The following ASPH variants were observed in gnomAD, a reference collection of about 807,000 sequenced individuals.
The protein encoded by ASPH is aspartate beta-hydroxylase.
Under a neutral mutation model 118.4 loss-of-function variants are expected in ASPH, and 100 were observed. The ratio of observed to expected loss-of-function variants is 0.84; its 90% CI spans 0.72 to 1.00. ASPH has a LOEUF of 1.00. Among genes scored for constraint, ASPH ranks in the 50% least tolerant of loss-of-function variants. The pLI, the probability that ASPH is intolerant of heterozygous loss-of-function variation, is 0.00. For synonymous variants in ASPH, 315 were observed against 325.6 expected, an observed-to-expected ratio of 0.97 and a Z score of 0.35; for missense variants, 920 against 919.5, an observed-to-expected ratio of 1.00 and a Z score of -0.01.
chr8:61,660,260 T>A (rs1007761911), intron 3 of ASPH: 4 of 152,016 alleles, frequency 2.6e-5, no homozygotes, highest in Non-Finnish European at 5.9e-5. Flanking sequence ...TTTTGGCCCA[T>A]CCCATTCACC....
intron 1 of ASPH, among the ~76,000 whole-genome samples, chr8:61,685,075 G>A (rs1425019433): frequency 2.6e-5 from 4 of 152,126 alleles, no homozygotes; most frequent in Non-Finnish European, 5.9e-5. Context: ...TTGTGTGGCA[G>A]GTAGAGTCGC....
chr8:61,539,699 G>GGGGGGGGTGTGTGTGTGTGTGTGTGTGT (rs1554618405), intron 21 of ASPH, among the ~76,000 whole-genome samples: 1 of 124,214 alleles, frequency 8.1e-6, no homozygotes, highest in Non-Finnish European at 1.7e-5. Flanking sequence ...ACACTTCTGG[G>GGGGGGGGTGTGTGTGTGTGTGTGTGTGT]GTGTGTGTGT....
intron 13 of ASPH, chr8:61,624,251 G>A (rs1851947791): frequency 1.0e-6 from 1 of 985,236 alleles, no homozygotes; most frequent in Admixed American, 6.2e-5. Flanking sequence ...AGGTGGAGCA[G>A]GCTGTCCAGG....
intron 3 of ASPH, chr8:61,658,535 T>C (rs142952662): frequency 1.0e-3 from 154 of 152,322 alleles, no homozygotes; most frequent in African/African-American, 3.3e-3. Flanking sequence ...ATTTGAATTC[T>C]ATCTCAGTGT....
At chr8:61,551,258 A>C (rs1017975828) in intron 20 of ASPH, among the ~76,000 whole-genome samples, 2 of 152,200 alleles carry the variant, frequency 1.3e-5, no homozygotes, top group Non-Finnish European at 2.9e-5. Context: ...TTTTCTTGTC[A>C]GTCTCTGCAG....
At chr8:61,675,113 T>C (rs773153240) in intron 3 of ASPH, 6 of 207,080 alleles carry the variant, frequency 2.9e-5, no homozygotes, top group Non-Finnish European at 5.1e-5. Flanking sequence ...CAAATATGTT[T>C]TTAAGGCTTT....
In ASPH at chr8:61,527,262, CA is replaced by C. The variant is rs200232795; in HGVS notation, c.1765-1151del. Among the ~76,000 whole-genome samples the C allele has an allele frequency of 5.9e-3, 894 of 152,230 alleles. 15 individuals carry two copies. Among genetic ancestry groups the C allele is most frequent in the African/African-American group, 0.02 (841 of 41,514 alleles). ...ATGGTTCTCTATCATTTGAATTGGTCAAGCAAAATGATCAATTATTGGTTAG... is the reference window on the plus strand; with the variant it reads ...ATGGTTCTCTATCATTTGAATTGGTCAGCAAAATGATCAATTATTGGTTAG... On this transcript the variant is annotated intron_variant, in intron 21 of 24. Coordinates refer to ENST00000379454, the MANE Select transcript of ASPH (RefSeq NM_004318.4).
chr8:61,673,912 A>G (rs7835930), intron 3 of ASPH, among the ~76,000 whole-genome samples: 22,060 of 152,188 alleles, frequency 0.14, 1,627 homozygotes, highest in African/African-American at 0.19. Context: ...CCTTCATCAG[A>G]GGCTTTCAGA....
At chr8:61,623,189 CCT>C (rs1348812452) in intron 13 of ASPH, among the ~76,000 whole-genome samples, 1 of 152,196 alleles carries the variant, frequency 6.6e-6, no homozygotes. Flanking sequence ...CATGAGGGTT[CCT>C]CTTTCTCCAC....
At chr8:61,631,174 A>G (rs916122455) in intron 13 of ASPH, among the ~76,000 whole-genome samples, 17 of 152,326 alleles carry the variant, frequency 1.1e-4, no homozygotes, top group Admixed American at 2.6e-4. Flanking sequence ...TACAAATTTA[A>G]AAAAATTACA....
At chr8:61,681,123 C>T in intron 2 of ASPH, 87 bp from the exon 3 acceptor site, 2 of 1,061,376 alleles carry the variant, frequency 1.9e-6, no homozygotes, top group Admixed American at 5.0e-5. Flanking sequence ...TCATGCAACT[C>T]AGTCATAAAT....
intron 3 of ASPH, among the ~76,000 whole-genome samples, chr8:61,669,805 C>T (rs956537284): frequency 6.6e-6 from 1 of 152,126 alleles, no homozygotes; most frequent in African/African-American, 2.4e-5. Context: ...TCCCTACCCC[C>T]ACTGTTATGA....
chr8:61,577,351 TAATAA>T (rs1158375535), intron 15 of ASPH, among the ~76,000 whole-genome samples: 1 of 29,766 alleles, frequency 3.4e-5, no homozygotes, highest in Non-Finnish European at 6.2e-5. Context: ...CATAAATAAA[TAATAA>T]AATGACAAAA....
Position 61,584,015 on chromosome 8 carries a change from G to C in ASPH, c.991C>G (p.Pro331Ala), listed in dbSNP as rs145790464. Residue 331 changes from proline to alanine, a missense_variant, in exon 15 of 25, where the codon CCT (proline) becomes GCT (alanine). Coordinates refer to ENST00000379454, the MANE Select transcript of ASPH (RefSeq NM_004318.4). ...EQKAKVKKKK[P>A]KLLNKFDKTI... Reference sequence around the variant, plus strand: ...TTATCAAATTTATTTAAAAGTTTAGGCTTCTTTTTCTTAACTGAAAGAAAA... The same window carrying C: ...TTATCAAATTTATTTAAAAGTTTAGCCTTCTTTTTCTTAACTGAAAGAAAA... The C allele has an allele frequency of 6.7e-5, 103 of 1,547,568 alleles. No individual in the cohort carries two copies. The highest frequency in any genetic ancestry group is 1.7e-4 in the Middle Eastern group (1 of 5,890).
chr8:61,700,803 A>G (rs1449990410), intron 1 of ASPH, among the ~76,000 whole-genome samples: 2 of 152,224 alleles, frequency 1.3e-5, no homozygotes, highest in African/African-American at 4.8e-5. Flanking sequence ...TCATCCCTTT[A>G]CATCATCACC....
intron 15 of ASPH, among the ~76,000 whole-genome samples, chr8:61,577,165 A>G (rs180819714): frequency 0.017 from 2,513 of 151,880 alleles, 73 homozygotes; most frequent in African/African-American, 0.056. Flanking sequence ...ATCACACACC[A>G]GGGCCTGTCG....
At chr8:61,618,540 G>C (rs911258277) in intron 14 of ASPH, among the ~76,000 whole-genome samples, 1 of 152,136 alleles carries the variant, frequency 6.6e-6, no homozygotes, top group African/African-American at 2.4e-5. Context: ...ACCTAGTACA[G>C]TTGTTGACAT....
In ASPH at chr8:61,642,930, A is replaced by G. The variant is rs1805966590; in HGVS notation, c.758-10T>C. ...TGGTATGTTACATCATCTGAAAAAA[A>G]AAAGAGAATAAAAGCAAAATAAGTA... is the stretch of plus-strand genomic sequence containing the variant. On this transcript the variant is annotated splice_polypyrimidine_tract_variant and intron_variant, in intron 9 of 24. Coordinates refer to ENST00000379454, the MANE Select transcript of ASPH (RefSeq NM_004318.4). 1 of 1,560,202 alleles carries G rather than the reference A, an allele frequency of 6.4e-7. No homozygotes were observed. Among genetic ancestry groups the G allele is most frequent in the Non-Finnish European group, 8.6e-7 (1 of 1,159,638 alleles).
chr8:61,638,168 A>G, intron 11 of ASPH, 154 bp downstream of exon 11: 3 of 1,177,144 alleles, frequency 2.5e-6, no homozygotes, highest in Non-Finnish European at 3.6e-6. Flanking sequence ...ATATTAGAAT[A>G]TTAACTTTAA....
Sources: gnomAD v4.1 joint callset for allele counts (sites outside exome capture counted in the v4.1 genomes callset) on GRCh38, gnomAD v4.1.1 for gene constraint, MANE v1.5 for transcripts, NCBI Gene and HGNC (gene_info 2026-07-23, HGNC 2026-07-21) for gene names.